HPCAL1: variants seen among roughly 807,000 people sequenced by gnomAD.
HPCAL1 encodes the protein hippocalcin-like protein 1.
HPCAL1 carries 8 observed loss-of-function variants against 17.1 expected under a neutral mutation model. That is an observed-to-expected ratio of 0.47 (90% confidence interval 0.27 to 0.84). The LOEUF is 0.84. Ranked by LOEUF, HPCAL1 falls within the 40% of genes least tolerant of loss-of-function variation. HPCAL1 has a pLI of 0.13. For synonymous variants in HPCAL1, 112 were observed against 111.4 expected (o/e 1.01, Z -0.03); for missense variants, 165 against 271.1 (o/e 0.61, Z 2.75).
In HPCAL1 at chr2:10,426,756, G is replaced by C; in HGVS notation, c.517G>C (p.Ala173Pro). The change falls in exon 5 of 5, where the codon GCC (alanine) becomes CCC (proline). Residue 173 changes from alanine (A) to proline (P), a missense_variant. Physicochemically the swap from Ala to Pro is conservative, Grantham distance 27. Transcript: ENST00000307845. ...GTCCTTGGAAGAATTCATCAGAGGT[G>C]CCAAGAGCGACCCCTCCATCGTCCG... ...KLSLEEFIRG[A>P]KSDPSIVRLL... 6.2e-7 allele frequency: 1 copy of C among 1,613,484 alleles called. No homozygotes were observed. The highest frequency in any genetic ancestry group is 1.7e-5 in the Admixed American group (1 of 60,022).
chr2:10,305,079 A>G (rs1190770640), intron 1 of HPCAL1, among the ~76,000 whole-genome samples: 2 of 151,816 alleles, frequency 1.3e-5, no homozygotes, highest in African/African-American at 2.4e-5. Context: ...CGATGAACTC[A>G]TTTTCTCATT....
At chr2:10,349,702 C>CAAAAAAAAAAAAAAAAAAAAA (rs55897775) in intron 1 of HPCAL1, among the ~76,000 whole-genome samples, 1 of 52,730 alleles carries the variant, frequency 1.9e-5, no homozygotes, top group Non-Finnish European at 3.2e-5. Context: ...GACTCTGTCT[C>CAAAAAAAAAAAAAAAAAAAAA]AAAAAAAAAA....
chr2:10,399,208 GCAC>G (rs113515977), intron 2 of HPCAL1, among the ~76,000 whole-genome samples: 164 of 4,932 alleles, frequency 0.033, 10 homozygotes, highest in Middle Eastern at 0.25. Context: ...TAATATCACT[GCAC>G]CACCACCACC....
chr2:10,393,682 G>C (rs529348714), intron 1 of HPCAL1, among the ~76,000 whole-genome samples: 8 of 152,328 alleles, frequency 5.3e-5, no homozygotes, highest in African/African-American at 1.9e-4. Context: ...ACCAGATAGC[G>C]AGGGACCTCA....
chr2:10,415,684 A>T (rs1670618015), intron 2 of HPCAL1, among the ~76,000 whole-genome samples: 1 of 152,138 alleles, frequency 6.6e-6, no homozygotes, highest in African/African-American at 2.4e-5. Context: ...CCTCTTGATC[A>T]TCACGACCAC....
In HPCAL1 at chr2:10,377,679, C is replaced by A. The variant is rs1460990460; in HGVS notation, c.-110-19156C>A. Among the ~76,000 whole-genome samples, 1 of 152,146 alleles carries A rather than the reference C, an allele frequency of 6.6e-6. No individual in the cohort carries two copies. The highest frequency in any genetic ancestry group is 2.4e-5 in the African/African-American group (1 of 41,418). On this transcript the variant is annotated intron_variant, in intron 1 of 4. Transcript: ENST00000307845. The surrounding 1 kb of genome is among the most constrained non-coding windows in gnomAD (Gnocchi z 5.9). ...TCCTGAGCAGCCCTGGCTGAGCATG[C>A]ACTCTGAGGGCAGACCCTGGCCGGG...
At position 10,419,713 on chromosome 2, in the gene HPCAL1, G is replaced by A. The variant is rs1670913228; in HGVS notation, c.-24-21G>A. 6.3e-7 allele frequency: 1 copy of A among 1,575,172 alleles called. No individual in the cohort carries two copies. The highest frequency in any genetic ancestry group is 8.6e-7 in the Non-Finnish European group (1 of 1,160,670). ...CTCCGTGGCCGTGGGTGGCGTCCCC[G>A]GCTGACCCCCTGTCTTGCAGGTGTA... is the stretch of plus-strand genomic sequence containing the variant. On this transcript the variant is annotated intron_variant, in intron 2 of 4. Transcript: ENST00000307845. The surrounding 1 kb of genome is among the most constrained non-coding windows in gnomAD (Gnocchi z 5.0).
intron 2 of HPCAL1, among the ~76,000 whole-genome samples, chr2:10,417,016 C>G (rs1670715764): frequency 6.6e-6 from 1 of 152,164 alleles, no homozygotes; most frequent in Non-Finnish European, 1.5e-5. Context: ...GGCTGCATAT[C>G]CAGAGCTGGG....
At chr2:10,387,738 A>G (rs2125554520) in intron 1 of HPCAL1, among the ~76,000 whole-genome samples, 1 of 152,302 alleles carries the variant, frequency 6.6e-6, no homozygotes, top group South Asian at 2.1e-4. Context: ...CGATGCCTGA[A>G]TCTTTGCATC....
chr2:10,368,259 G>A (rs559097760), intron 1 of HPCAL1, among the ~76,000 whole-genome samples: 1 of 149,860 alleles, frequency 6.7e-6, no homozygotes, highest in Non-Finnish European at 1.5e-5. Flanking sequence ...ATTGTGTGTA[G>A]GTTTGTGCAT....
rs901473095 is a variant in HPCAL1, at chr2:10,376,933, C to T, written c.-110-19902C>T. On this transcript the variant is annotated intron_variant, in intron 1 of 4. Coordinates refer to ENST00000307845, the MANE Select transcript of HPCAL1 (RefSeq NM_002149.4). The stretch of plus-strand genomic sequence containing the variant: ...GTATTGTGTGTAGTACAATACATAC[C>T]GTATTGTATTGTGTGTAGTACAATA... 2.4e-4 allele frequency among the ~76,000 whole-genome samples: 35 copies of T among 144,680 alleles called. 1 individual carries two copies. Among genetic ancestry groups the T allele is most frequent in the African/African-American group, 8.5e-4 (32 of 37,554 alleles). The allele number at this position is 144,680 out of a possible 152,430, so 94.9% of individuals were successfully genotyped here.
intron 1 of HPCAL1, among the ~76,000 whole-genome samples, chr2:10,372,776 T>C (rs1270699352): frequency 6.6e-6 from 1 of 152,180 alleles, no homozygotes; most frequent in African/African-American, 2.4e-5. Flanking sequence ...GCTGTTCCTG[T>C]TCCCTGCCCC....
intron 2 of HPCAL1, among the ~76,000 whole-genome samples, chr2:10,399,246 A>G (rs1231582229): frequency 8.0e-5 from 11 of 136,920 alleles, no homozygotes; most frequent in South Asian, 2.3e-4. Context: ...CACCATCACC[A>G]CCACCACCAC....
chr2:10,393,340 C>T (rs1227226066), intron 1 of HPCAL1, among the ~76,000 whole-genome samples: 8 of 152,294 alleles, frequency 5.3e-5, no homozygotes, highest in East Asian at 1.9e-4. Flanking sequence ...GCAGCCTGAG[C>T]GCCAATTCCT....
intron 1 of HPCAL1, among the ~76,000 whole-genome samples, chr2:10,389,474 C>G (rs934129040): frequency 1.3e-5 from 2 of 152,226 alleles, no homozygotes; most frequent in Non-Finnish European, 2.9e-5. Flanking sequence ...CTCACCTGCC[C>G]TGCAAGATCA....
At chr2:10,341,864 A>G (rs1472748120) in intron 1 of HPCAL1, among the ~76,000 whole-genome samples, 1 of 152,152 alleles carries the variant, frequency 6.6e-6, no homozygotes, top group African/African-American at 2.4e-5. Flanking sequence ...CCTTTATTTC[A>G]AAGTTTCTCT....
At chr2:10,321,599 C>T (rs1259533698) in intron 1 of HPCAL1, among the ~76,000 whole-genome samples, 1 of 152,186 alleles carries the variant, frequency 6.6e-6, no homozygotes, top group African/African-American at 2.4e-5. Flanking sequence ...AAAAAAATCT[C>T]ATAGCCATTA....
At chr2:10,320,903 A>G (rs1174596424) in intron 1 of HPCAL1, among the ~76,000 whole-genome samples, 3 of 152,266 alleles carry the variant, frequency 2.0e-5, no homozygotes, top group African/African-American at 7.2e-5. Context: ...ATTGTATAAT[A>G]TAGTAATACT....
At chr2:10,336,738 A>C (rs1664745617) in intron 1 of HPCAL1, among the ~76,000 whole-genome samples, 3 of 152,094 alleles carry the variant, frequency 2.0e-5, no homozygotes, top group African/African-American at 7.2e-5. Flanking sequence ...GAACAACATA[A>C]TTCTATTTCT....
Sources: gnomAD v4.1 joint callset for allele counts (sites outside exome capture counted in the v4.1 genomes callset) on GRCh38, gnomAD v4.1.1 for gene constraint, Gnocchi (gnomAD v3.1) non-coding constraint, MANE v1.5 for transcripts, NCBI Gene and HGNC (gene_info 2026-07-23, HGNC 2026-07-21) for gene names.